Variants in HIRA observed in about 807,000 individuals in gnomAD.
The protein encoded by HIRA is histone cell cycle regulator.
In HIRA, 13 loss-of-function variants were observed where a neutral mutation model predicts 126.6. The ratio of observed to expected loss-of-function variants is 0.10; its 90% CI spans 0.07 to 0.16. The LOEUF (loss-of-function observed/expected upper bound fraction) is 0.16, where lower values mean the gene tolerates loss of function less well. Among genes scored for constraint, HIRA ranks in the 10% least tolerant of loss-of-function variants. The pLI, the probability that HIRA is intolerant of heterozygous loss-of-function variation, is 1.00. For missense variants in HIRA, 834 were observed against 1,314.4 expected (o/e 0.63, Z 5.65); for synonymous variants, 511 against 520.0 (o/e 0.98, Z 0.24).
chr22:19,409,427 G>GCGAA (rs1407952573), intron 2 of HIRA, among the ~76,000 whole-genome samples: 2 of 152,032 alleles, frequency 1.3e-5, no homozygotes, highest in Non-Finnish European at 2.9e-5. Flanking sequence ...GGGATTACAG[G>GCGAA]CGAACACCAT....
intron 24 of HIRA, among the ~76,000 whole-genome samples, chr22:19,331,759 G>A (rs2088490321): frequency 2.0e-5 from 3 of 152,200 alleles, no homozygotes; most frequent in Admixed American, 1.3e-4. Flanking sequence ...CACAGTGTGG[G>A]GATAAAGGAG....
chr22:19,420,422 C>G (rs1321443789), intron 1 of HIRA, among the ~76,000 whole-genome samples: 1 of 135,338 alleles, frequency 7.4e-6, no homozygotes, highest in African/African-American at 2.9e-5. Flanking sequence ...GCCGTGATCA[C>G]GCCACTGCAC....
At chr22:19,428,904 C>T (rs1246107541) in intron 1 of HIRA, among the ~76,000 whole-genome samples, 1 of 152,164 alleles carries the variant, frequency 6.6e-6, no homozygotes, top group African/African-American at 2.4e-5. Flanking sequence ...CACTACCCAC[C>T]CCTCAGGCTT....
chr22:19,389,932 G>C (rs904292737), intron 9 of HIRA, among the ~76,000 whole-genome samples: 1 of 151,086 alleles, frequency 6.6e-6, no homozygotes, highest in Admixed American at 6.6e-5. Flanking sequence ...TGCAGCCAGA[G>C]GATAACCTTC....
At chr22:19,358,697 A>G (rs976119996) in intron 18 of HIRA, among the ~76,000 whole-genome samples, 1 of 152,172 alleles carries the variant, frequency 6.6e-6, no homozygotes, top group Non-Finnish European at 1.5e-5. Flanking sequence ...ATGGGACCTC[A>G]TGGCAGATGA....
chr22:19,385,887 C>T lies in HIRA; in HGVS notation c.1114-151G>A, dbSNP rs964608715. The T allele has an allele frequency of 8.8e-6, 6 of 681,140 alleles. No individual in the cohort carries two copies. In the African/African-American group the frequency reaches 1.1e-4, roughly 12 times the overall value. The allele number at this position is 681,140 out of a possible 1,614,324, so 42.2% of individuals were successfully genotyped here. A position where few individuals can be genotyped will look rare whatever the true frequency, so the allele number is the denominator to read the frequency against. ...CCCCATCGCCTCCCATCCTATTCTG[C>T]CTGTCCCTCATTCGACAGCTCTGTT... is the stretch of plus-strand genomic sequence containing the variant. On this transcript the variant is annotated intron_variant, in intron 11 of 24. Coordinates refer to ENST00000263208, the MANE Select transcript of HIRA (RefSeq NM_003325.4).
At chr22:19,404,086 G>A (rs1032781541) in intron 5 of HIRA, among the ~76,000 whole-genome samples, 2 of 151,998 alleles carry the variant, frequency 1.3e-5, no homozygotes, top group Non-Finnish European at 2.9e-5. Context: ...ATTTTGTCTA[G>A]GTTTTTTCTT....
intron 1 of HIRA, among the ~76,000 whole-genome samples, chr22:19,412,324 C>T (rs554684584): frequency 6.6e-6 from 1 of 152,304 alleles, no homozygotes; most frequent in African/African-American, 2.4e-5. Context: ...GCTATTCGAG[C>T]CATCCCAGCA....
At position 19,380,578 on chromosome 22, in the gene HIRA, G is replaced by A. The variant is rs983141287; in HGVS notation, c.1416-2512C>T. ...TAATCTTCTTTTTCAGAAATATTTC[G>A]GCCATTCCTATTTATTTTTCCAGAT... is the stretch of plus-strand genomic sequence containing the variant. On this transcript the variant is annotated intron_variant, in intron 13 of 24. Coordinates refer to ENST00000263208, the MANE Select transcript of HIRA (RefSeq NM_003325.4). Among the ~76,000 whole-genome samples, 41 of 151,804 alleles carry A rather than the reference G, an allele frequency of 2.7e-4. 1 individual carries two copies. The highest frequency in any genetic ancestry group is 2.4e-3 in the Admixed American group (36 of 15,218).
chr22:19,369,107 C>T (rs974337901), intron 15 of HIRA, among the ~76,000 whole-genome samples: 3 of 152,086 alleles, frequency 2.0e-5, no homozygotes, highest in African/African-American at 7.2e-5. Context: ...AGGGCTGCCC[C>T]CCTTACAAAT....
intron 3 of HIRA, 40 bp downstream of exon 3, chr22:19,408,443 T>A (rs779194800): frequency 1.5e-6 from 2 of 1,320,292 alleles, no homozygotes; most frequent in Non-Finnish European, 2.2e-6. Context: ...TTGGGCACTC[T>A]GCCAACACGC....
chr22:19,401,570 A>C (rs562666065), intron 5 of HIRA, among the ~76,000 whole-genome samples: 107 of 152,344 alleles, frequency 7.0e-4, no homozygotes, highest in Middle Eastern at 6.8e-3. Context: ...CCAAACTCTG[A>C]AAACACTTCC....
At chr22:19,352,690 A>G (rs782069459) in intron 23 of HIRA, among the ~76,000 whole-genome samples, 39 of 152,342 alleles carry the variant, frequency 2.6e-4, no homozygotes, top group Admixed American at 4.6e-4. Context: ...TCTAAATTAT[A>G]ATCAAAATGG....
At position 19,353,509 on chromosome 22, in the gene HIRA, G is replaced by C; in HGVS notation, c.2695C>G (p.Gln899Glu). 6.2e-7 allele frequency: 1 copy of C among 1,607,678 alleles called. No individual in the cohort carries two copies. The highest frequency in any genetic ancestry group is 8.5e-7 in the Non-Finnish European group (1 of 1,177,798). ...GGCACGGAGAAGAGCCGGGCAGCCT[G>C]CCTTCCCGAGCTGCAGAGACCAGGA... is the stretch of plus-strand genomic sequence containing the variant. ...IQGRTSNSGR[Q>E]AARLFSVPHV... The change falls in exon 23 of 25, where the codon CAG (glutamine) becomes GAG (glutamate). Residue 899 changes from glutamine (Q) to glutamate (E), a missense_variant. Gln to Glu is a conservative substitution (Grantham distance 29, BLOSUM62 2). Around this residue, in one of 5 missense-constraint regions of HIRA, gnomAD observed 468 missense variants for 574.2 expected, o/e 0.82. Transcript: ENST00000263208.
intron 1 of HIRA, among the ~76,000 whole-genome samples, chr22:19,422,199 CATATATATAT>C (rs1169116486): frequency 1.1e-3 from 158 of 139,462 alleles, no homozygotes; most frequent in African/African-American, 4.0e-3. Context: ...CACACATACA[CATATATATAT>C]ATACATATAT....
chr22:19,370,282 T>G (rs2146205228), intron 15 of HIRA, among the ~76,000 whole-genome samples: 1 of 152,180 alleles, frequency 6.6e-6, no homozygotes, highest in South Asian at 2.1e-4. Context: ...AGGGTCTCAC[T>G]CTGTTGCCCA....
Position 19,405,802 on chromosome 22 carries a change from G to T in HIRA, c.381C>A (p.Leu127=). ...NVEQWRCVSI[L]RNHSGDVMDV... Reference sequence around the variant, plus strand: ...CCCACTCACCGCCTGAATGATTCCGGAGGATAGAGACACACCGCCACTGCT... The same window carrying T: ...CCCACTCACCGCCTGAATGATTCCGTAGGATAGAGACACACCGCCACTGCT... The change falls in exon 5 of 25, where the codon CTC becomes CTA. Residue 127 remains leucine, a synonymous_variant. Transcript: ENST00000263208. 1 of 1,471,150 alleles carries T rather than the reference G, an allele frequency of 6.8e-7. No homozygotes were observed. Among genetic ancestry groups the T allele is most frequent in the Non-Finnish European group, 9.1e-7 (1 of 1,102,900 alleles). The allele number at this position is 1,471,150 out of a possible 1,614,324, so 91.1% of individuals were successfully genotyped here.
At chr22:19,419,629 G>C (rs958448740) in intron 1 of HIRA, among the ~76,000 whole-genome samples, 1 of 152,198 alleles carries the variant, frequency 6.6e-6, no homozygotes, top group Non-Finnish European at 1.5e-5. Flanking sequence ...CCAGTAAGTA[G>C]ATCAGCTCTT....
chr22:19,356,632 C>G (rs2088814958), intron 19 of HIRA, among the ~76,000 whole-genome samples: 1 of 152,246 alleles, frequency 6.6e-6, no homozygotes, highest in Non-Finnish European at 1.5e-5. Context: ...CCTGGCAGTG[C>G]AACTGGTCGC....
Sources: allele counts gnomAD v4.1 joint callset (sites outside exome capture counted in the v4.1 genomes callset), GRCh38; gene constraint gnomAD v4.1.1; regional missense constraint gnomAD v4.1.1; transcripts MANE v1.5; gene names NCBI Gene and HGNC (gene_info 2026-07-23, HGNC 2026-07-21).